The following ACADSB variants were observed in gnomAD, a reference collection of about 807,000 sequenced individuals.
ACADSB encodes the protein acyl-CoA dehydrogenase short/branched chain, also known as short/branched chain specific acyl-CoA dehydrogenase, mitochondrial.
Under a neutral mutation model 54.1 loss-of-function variants are expected in ACADSB, and 40 were observed. The observed-to-expected ratio is 0.74, with a 90% CI of 0.57 to 0.96. The LOEUF (loss-of-function observed/expected upper bound fraction) is 0.96. ACADSB is among the 40% of genes least tolerant of loss of function. ACADSB has a pLI of 0.00. For synonymous variants in ACADSB, 182 were observed against 182.8 expected (o/e 1.00, Z 0.03); for missense variants, 530 against 510.4 (o/e 1.04, Z -0.37).
At position 123,058,034 on chromosome 10, in the gene ACADSB, C is replaced by T. The variant is rs1451723008; in HGVS notation, c.*4269C>T. 1 of 152,148 alleles carries T rather than the reference C, an allele frequency of 6.6e-6. No homozygotes were observed. The highest frequency in any genetic ancestry group is 1.5e-5 in the Non-Finnish European group (1 of 68,026). 9.4% of individuals were successfully genotyped at this position (152,148 alleles called of 1,614,324 possible). Reference sequence around the variant, plus strand: ...ATCGCTTATGTATATGAATCACTTGCCAAAGACACTGGCTCTCCTCAGCTG... The same window carrying T: ...ATCGCTTATGTATATGAATCACTTGTCAAAGACACTGGCTCTCCTCAGCTG... On this transcript the variant is annotated 3_prime_UTR_variant, in exon 11 of 11. Transcript: ENST00000358776.
At chr10:123,032,973 C>T (rs1373910491) in intron 1 of ACADSB, among the ~76,000 whole-genome samples, 5 of 152,142 alleles carry the variant, frequency 3.3e-5, no homozygotes, top group East Asian at 3.9e-4. Flanking sequence ...CTGCTAGCAG[C>T]GTTCTTCCCC....
intron 1 of ACADSB, among the ~76,000 whole-genome samples, chr10:123,025,647 G>T (rs1418885939): frequency 2.0e-5 from 3 of 152,030 alleles, no homozygotes; most frequent in Admixed American, 6.6e-5. Context: ...AACAGAAAAA[G>T]AAATTGAATA....
chr10:123,047,733 A>G (rs947973390), intron 8 of ACADSB, among the ~76,000 whole-genome samples: 1 of 152,262 alleles, frequency 6.6e-6, no homozygotes, highest in African/African-American at 2.4e-5. Context: ...GTATGTGTAA[A>G]GTGTTTCACA....
At chr10:123,048,129 C>T (rs566090397) in intron 8 of ACADSB, among the ~76,000 whole-genome samples, 1 of 152,322 alleles carries the variant, frequency 6.6e-6, no homozygotes, top group South Asian at 2.1e-4. Context: ...AAAACCTCCC[C>T]TTAAGCAGCT....
At chr10:123,042,761 A>T (rs1850492589) in intron 5 of ACADSB, among the ~76,000 whole-genome samples, 1 of 152,108 alleles carries the variant, frequency 6.6e-6, no homozygotes, top group African/African-American at 2.4e-5. Flanking sequence ...AACTTTATAT[A>T]GTAAAATTAA....
At chr10:123,020,546 G>A (rs531487386) in intron 1 of ACADSB, among the ~76,000 whole-genome samples, 10 of 152,318 alleles carry the variant, frequency 6.6e-5, no homozygotes, top group Admixed American at 5.9e-4. Context: ...AGCTGCTGTG[G>A]ACATTTGTGT....
At chr10:123,015,756 T>C (rs567132434) in intron 1 of ACADSB, among the ~76,000 whole-genome samples, 3 of 152,238 alleles carry the variant, frequency 2.0e-5, no homozygotes, top group Non-Finnish European at 4.4e-5. Flanking sequence ...TAGCAGCCAT[T>C]GAGATTTTAA....
At chr10:123,018,694 G>C (rs755789145) in intron 1 of ACADSB, among the ~76,000 whole-genome samples, 7 of 152,284 alleles carry the variant, frequency 4.6e-5, no homozygotes, top group African/African-American at 1.7e-4. Flanking sequence ...GCAGTTCCAC[G>C]TGGCTGACGA....
chr10:123,047,184 T>C, intron 7 of ACADSB, 25 bp from the exon 8 acceptor site: 1 of 1,522,472 alleles, frequency 6.6e-7, no homozygotes. Context: ...TAAGAAATTC[T>C]GATCTTATTT....
In ACADSB at chr10:123,034,526, T is replaced by G. The variant is rs1218756230; in HGVS notation, c.202+11T>G. On this transcript the variant is annotated intron_variant, in intron 2 of 10. Transcript: ENST00000358776. ...TGATAAAGAGTTCAGGTAAGTAAAT[T>G]TATCAGTGTCACCTTTTTCTCCCCA... The G allele has an allele frequency of 6.2e-7, 1 of 1,603,656 alleles. No homozygotes were observed. The highest frequency in any genetic ancestry group is 1.3e-5 in the African/African-American group (1 of 75,012).
intron 7 of ACADSB, among the ~76,000 whole-genome samples, chr10:123,046,385 GA>G (rs1476855411): frequency 7.2e-5 from 11 of 152,278 alleles, no homozygotes; most frequent in African/African-American, 2.6e-4. Flanking sequence ...TTGAAATTTA[GA>G]AACGATTTCT....
chr10:123,017,553 C>T (rs527985173), intron 1 of ACADSB, among the ~76,000 whole-genome samples: 4 of 152,266 alleles, frequency 2.6e-5, no homozygotes, highest in Admixed American at 6.5e-5. Flanking sequence ...CCTGACCTCA[C>T]GTGATCCATC....
Position 123,041,234 on chromosome 10 carries a change from C to T in ACADSB, c.536C>T (p.Ala179Val). The change falls in exon 5 of 11, where the codon GCT becomes GTT. Residue 179 changes from alanine to valine, a missense_variant. By Grantham distance (64) the Ala-to-Val change is moderately conservative (BLOSUM62 0). Coordinates refer to ENST00000358776, the MANE Select transcript of ACADSB (RefSeq NM_001609.4). ...EKVGSFCLSEAGAGSDSFALK... is the reference protein window; with the variant it reads ...EKVGSFCLSEVGAGSDSFALK... Reference sequence around the variant, plus strand: ...GTAGGAAGTTTCTGCCTTTCAGAGGCTGGAGCAGGTAGTGACTCATTTGCT... The same window carrying T: ...GTAGGAAGTTTCTGCCTTTCAGAGGTTGGAGCAGGTAGTGACTCATTTGCT... 1 of 1,614,120 alleles carries T rather than the reference C, an allele frequency of 6.2e-7. No homozygotes were observed. The highest frequency in any genetic ancestry group is 8.5e-7 in the Non-Finnish European group (1 of 1,180,018).
At chr10:123,029,383 A>G (rs1255140738) in intron 1 of ACADSB, among the ~76,000 whole-genome samples, 1 of 151,912 alleles carries the variant, frequency 6.6e-6, no homozygotes, top group African/African-American at 2.4e-5. Flanking sequence ...GAAAGAAAAC[A>G]ATGCTAACAC....
At chr10:123,035,841 C>T (rs1414638404) in intron 2 of ACADSB, among the ~76,000 whole-genome samples, 1 of 152,174 alleles carries the variant, frequency 6.6e-6, no homozygotes, top group Admixed American at 6.5e-5. Context: ...CTCCCAGCAT[C>T]GAGTCTCTCT....
chr10:123,035,583 C>T (rs1850387363), intron 2 of ACADSB, among the ~76,000 whole-genome samples: 1 of 152,172 alleles, frequency 6.6e-6, no homozygotes, highest in Non-Finnish European at 1.5e-5. Flanking sequence ...GCCAGAAGTC[C>T]AGCTGGAGCA....
At chr10:123,019,492 A>C (rs985409790) in intron 1 of ACADSB, among the ~76,000 whole-genome samples, 1 of 152,244 alleles carries the variant, frequency 6.6e-6, no homozygotes, top group Non-Finnish European at 1.5e-5. Context: ...GCCTTGCAGA[A>C]GCATTTTTTC....
intron 6 of ACADSB, among the ~76,000 whole-genome samples, chr10:123,043,658 T>G (rs1232918973): frequency 6.6e-6 from 1 of 152,150 alleles, no homozygotes; most frequent in Admixed American, 6.5e-5. Context: ...TTTCCACCAC[T>G]CATCACAGAG....
intron 1 of ACADSB, among the ~76,000 whole-genome samples, chr10:123,012,892 A>G (rs1325249678): frequency 6.6e-6 from 1 of 152,102 alleles, no homozygotes; most frequent in East Asian, 1.9e-4. Context: ...CAGACAGCTG[A>G]TTGGATTGGT....
Sources: gnomAD v4.1 joint callset for allele counts (sites outside exome capture counted in the v4.1 genomes callset) on GRCh38, gnomAD v4.1.1 for gene constraint, MANE v1.5 for transcripts, NCBI Gene and HGNC (gene_info 2026-07-23, HGNC 2026-07-21) for gene names.